The following RUNDC3B variants were observed in gnomAD, a reference collection of about 807,000 sequenced individuals.
The protein encoded by RUNDC3B is RUN domain containing 3B.
In RUNDC3B, 33 loss-of-function variants were observed where a neutral mutation model predicts 58.4. The observed-to-expected ratio is 0.56, with a 90% CI of 0.43 to 0.75. RUNDC3B has a LOEUF of 0.75. Ranked by LOEUF, RUNDC3B falls within the 30% of genes least tolerant of loss-of-function variation. The pLI, the probability that RUNDC3B is intolerant of heterozygous loss-of-function variation, is 0.00. For synonymous variants in RUNDC3B, 193 were observed against 195.2 expected, an observed-to-expected ratio of 0.99 and a Z score of 0.10; for missense variants, 501 against 535.7, an observed-to-expected ratio of 0.94 and a Z score of 0.64.
chr7:87,784,140 C>T (rs1488379167), intron 8 of RUNDC3B, among the ~76,000 whole-genome samples: 1 of 152,178 alleles, frequency 6.6e-6, no homozygotes, highest in East Asian at 1.9e-4. Context: ...TAGATCATTT[C>T]ACTGGCTTCC....
At chr7:87,695,070 G>A (rs7796247) in intron 2 of RUNDC3B, among the ~76,000 whole-genome samples, 7,350 of 152,114 alleles carry the variant, frequency 0.048, 264 homozygotes, top group East Asian at 0.09. Flanking sequence ...CCTGTAAGTA[G>A]CATGTAGAAC....
rs138375231 is a variant in RUNDC3B, at chr7:87,806,615, T to C, written c.957-758T>C. Reference sequence around the variant, plus strand: ...GACAATGATCAGTTGGTTTTTGAAGTCTGAAATTTTGGCAGAAAGCAAATT... The same window carrying C: ...GACAATGATCAGTTGGTTTTTGAAGCCTGAAATTTTGGCAGAAAGCAAATT... On this transcript the variant is annotated intron_variant, in intron 8 of 10. Transcript: ENST00000394654. Among the ~76,000 whole-genome samples the C allele has an allele frequency of 3.8e-3, 576 of 152,306 alleles. 2 individuals are homozygous for C. The highest frequency in any genetic ancestry group is 0.013 in the African/African-American group (550 of 41,578).
At chr7:87,669,294 A>G (rs1158887539) in intron 2 of RUNDC3B, among the ~76,000 whole-genome samples, 1 of 152,004 alleles carries the variant, frequency 6.6e-6, no homozygotes, top group Non-Finnish European at 1.5e-5. Flanking sequence ...TTCAGATTGC[A>G]ATCCCTTCTT....
chr7:87,629,045 GC>G, intron 1 of RUNDC3B, 100 bp downstream of exon 1: 1 of 1,110,728 alleles, frequency 9.0e-7, no homozygotes, highest in Non-Finnish European at 1.2e-6. Flanking sequence ...ATGGGCTGCC[GC>G]CCAGTGCCCC....
intron 6 of RUNDC3B, among the ~76,000 whole-genome samples, chr7:87,750,608 T>G (rs1309977848): frequency 1.3e-5 from 2 of 152,184 alleles, no homozygotes; most frequent in Non-Finnish European, 2.9e-5. Context: ...GTGGTTTTGA[T>G]TTGCATTTCT....
At chr7:87,756,773 T>C (rs1478202390) in intron 6 of RUNDC3B, among the ~76,000 whole-genome samples, 1 of 152,130 alleles carries the variant, frequency 6.6e-6, no homozygotes, top group East Asian at 1.9e-4. Context: ...TCTTGGTGCA[T>C]AAAGTAATTG....
At chr7:87,763,258 T>C (rs1014828008) in intron 6 of RUNDC3B, among the ~76,000 whole-genome samples, 1 of 151,700 alleles carries the variant, frequency 6.6e-6, no homozygotes, top group Non-Finnish European at 1.5e-5. Context: ...AATTTTACAT[T>C]TGTCATTGAT....
intron 2 of RUNDC3B, 106 bp from the exon 3 acceptor site, chr7:87,700,315 A>C: frequency 1.1e-6 from 1 of 894,968 alleles, no homozygotes; most frequent in Non-Finnish European, 1.6e-6. Flanking sequence ...TTGCCATTAT[A>C]GTTCACTATA....
intron 1 of RUNDC3B, among the ~76,000 whole-genome samples, chr7:87,648,979 CG>C (rs1327015752): frequency 6.6e-6 from 1 of 151,524 alleles, no homozygotes; most frequent in African/African-American, 2.4e-5. Flanking sequence ...ATTTTCTGTC[CG>C]GATTGAATAG....
chr7:87,703,100 T>G (rs1401222279), intron 3 of RUNDC3B, among the ~76,000 whole-genome samples: 1 of 152,216 alleles, frequency 6.6e-6, no homozygotes, highest in Non-Finnish European at 1.5e-5. Flanking sequence ...GATTGAAAAT[T>G]GATATTTACA....
chr7:87,685,198 G>A lies in RUNDC3B; in HGVS notation c.239-15223G>A, dbSNP rs571091234. ...TTGCAAATCACATGTTTGACAAAGG[G>A]ATTGTATGCATAATATACAAAGAAT... On this transcript the variant is annotated intron_variant, in intron 2 of 10. Coordinates refer to ENST00000394654, the MANE Select transcript of RUNDC3B (RefSeq NM_001134405.2). 5.3e-5 allele frequency among the ~76,000 whole-genome samples: 8 copies of A among 152,244 alleles called. 1 individual carries two copies. In the South Asian group the frequency reaches 1.7e-3, roughly 32 times the overall value.
At chr7:87,657,875 G>A (rs1194135364) in intron 2 of RUNDC3B, among the ~76,000 whole-genome samples, 1 of 152,108 alleles carries the variant, frequency 6.6e-6, no homozygotes, top group Non-Finnish European at 1.5e-5. Context: ...TCCTCCACTT[G>A]GCAGTAATGA....
At chr7:87,693,837 T>C in intron 2 of RUNDC3B, 1 of 1,490,630 alleles carries the variant, frequency 6.7e-7, no homozygotes, top group Non-Finnish European at 9.2e-7. Context: ...GGCTATTCAG[T>C]TTGGAACTGT....
intron 4 of RUNDC3B, among the ~76,000 whole-genome samples, chr7:87,720,062 T>A (rs956650132): frequency 6.0e-5 from 9 of 150,618 alleles, no homozygotes; most frequent in Admixed American, 2.6e-4. Context: ...AAAATACAAT[T>A]GAAAAACTGG....
At chr7:87,766,551 A>G (rs887223738) in intron 6 of RUNDC3B, among the ~76,000 whole-genome samples, 4 of 152,034 alleles carry the variant, frequency 2.6e-5, no homozygotes, top group African/African-American at 9.7e-5. Context: ...TTTTTCTCTA[A>G]GAAGGCTGAA....
intron 4 of RUNDC3B, among the ~76,000 whole-genome samples, chr7:87,733,670 A>G (rs1490484243): frequency 6.6e-6 from 1 of 152,208 alleles, no homozygotes; most frequent in Non-Finnish European, 1.5e-5. Flanking sequence ...GTTCCACCTC[A>G]GATCATCAGG....
chr7:87,691,682 A>G (rs558910857), intron 2 of RUNDC3B, among the ~76,000 whole-genome samples: 1 of 152,280 alleles, frequency 6.6e-6, no homozygotes, highest in South Asian at 2.1e-4. Context: ...TTATATAAAA[A>G]ATATTTATAT....
At chr7:87,714,199 C>T (rs1460920389) in intron 4 of RUNDC3B, among the ~76,000 whole-genome samples, 1 of 152,184 alleles carries the variant, frequency 6.6e-6, no homozygotes, top group Non-Finnish European at 1.5e-5. Context: ...CAACGGGGCT[C>T]TCTCTTTGTT....
chr7:87,720,395 T>G (rs1321784218), intron 4 of RUNDC3B, among the ~76,000 whole-genome samples: 1 of 152,038 alleles, frequency 6.6e-6, no homozygotes, highest in African/African-American at 2.4e-5. Context: ...TGCACTCCCA[T>G]GAACTTCTGA....
Sources: allele counts gnomAD v4.1 joint callset (sites outside exome capture counted in the v4.1 genomes callset), GRCh38; gene constraint gnomAD v4.1.1; transcripts MANE v1.5; gene names NCBI Gene and HGNC (gene_info 2026-07-23, HGNC 2026-07-21).